Variants in WDR70 observed in about 807,000 individuals in gnomAD.
WDR70 encodes WD repeat-containing protein 70.
Under a neutral mutation model 88.6 loss-of-function variants are expected in WDR70, and 53 were observed. That is an observed-to-expected ratio of 0.60 (90% CI 0.48 to 0.75). The LOEUF (loss-of-function observed/expected upper bound fraction) is 0.75. WDR70 is among the 30% of genes least tolerant of loss of function. The pLI, the probability that WDR70 is intolerant of heterozygous loss-of-function variation, is 0.00. For missense variants in WDR70, 610 were observed against 823.2 expected (o/e 0.74, Z 3.17); for synonymous variants, 280 against 270.0 (o/e 1.04, Z -0.36).
At chr5:37,735,776 T>C (rs1561097792) in intron 17 of WDR70, among the ~76,000 whole-genome samples, 1 of 152,016 alleles carries the variant, frequency 6.6e-6, no homozygotes, top group South Asian at 2.1e-4. Flanking sequence ...GTCTGGTTGG[T>C]TTTTTTTCTT....
intron 5 of WDR70, among the ~76,000 whole-genome samples, chr5:37,410,283 C>A (rs954240790): frequency 6.6e-6 from 1 of 150,562 alleles, no homozygotes; most frequent in African/African-American, 2.5e-5. Context: ...AAGAAATCTG[C>A]CTGCCATGGC....
At chr5:37,533,108 A>G (rs1741549744) in intron 9 of WDR70, among the ~76,000 whole-genome samples, 1 of 152,182 alleles carries the variant, frequency 6.6e-6, no homozygotes. Flanking sequence ...GTCCTGTGAT[A>G]TGATTCATCT....
intron 8 of WDR70, among the ~76,000 whole-genome samples, chr5:37,515,684 T>C (rs1740866794): frequency 6.6e-6 from 1 of 152,250 alleles, no homozygotes; most frequent in African/African-American, 2.4e-5. Context: ...ATGTACATTT[T>C]ACTTCTTTAA....
At chr5:37,466,380 G>A (rs1354206301) in intron 7 of WDR70, among the ~76,000 whole-genome samples, 9 of 152,218 alleles carry the variant, frequency 5.9e-5, no homozygotes, top group African/African-American at 2.2e-4. Context: ...CAATACATTA[G>A]CCACTAGCCA....
At chr5:37,693,255 G>T (rs1288296272) in intron 10 of WDR70, among the ~76,000 whole-genome samples, 5 of 152,174 alleles carry the variant, frequency 3.3e-5, no homozygotes, top group Non-Finnish European at 4.4e-5. Context: ...TGGATAGGAA[G>T]AATCAATATC....
Position 37,530,773 on chromosome 5 carries a change from GTT to G in WDR70, c.917+14195_917+14196del, listed in dbSNP as rs57043165. 5.6e-4 allele frequency among the ~76,000 whole-genome samples: 72 copies of G among 127,960 alleles called. 1 individual carries two copies. Among genetic ancestry groups the G allele is most frequent in the Admixed American group, 4.7e-3 (61 of 13,108 alleles). The allele number at this position is 127,960 out of a possible 152,430, so 83.9% of individuals were successfully genotyped here. On this transcript the variant is annotated intron_variant, in intron 9 of 17. Coordinates refer to ENST00000265107, the MANE Select transcript of WDR70 (RefSeq NM_018034.4). ...TAGCTTTTTGTTTCATTTATCTTTT[GTT>G]TTTTTTTTTTTCATTTCAGTTTCAT...
intron 9 of WDR70, among the ~76,000 whole-genome samples, chr5:37,551,315 C>CA (rs1205634383): frequency 5.0e-4 from 72 of 143,322 alleles, no homozygotes; most frequent in Non-Finnish European, 6.8e-4. Flanking sequence ...CCCCCCTCCG[C>CA]AAAAAAAAAA....
At chr5:37,394,136 C>T (rs1748934430) in intron 4 of WDR70, among the ~76,000 whole-genome samples, 2 of 151,828 alleles carry the variant, frequency 1.3e-5, no homozygotes, top group Non-Finnish European at 2.9e-5. Context: ...GAAACCCTGT[C>T]TGTACTAAAA....
In WDR70 at chr5:37,381,601, G is replaced by T; in HGVS notation, c.92-1G>T. ...CAGTCTCCCATTTGTTCATGTTTTA[G>T]GTAAAAAAGCTCGCACATTTGACTT... is the stretch of plus-strand genomic sequence containing the variant. On this transcript the variant is annotated splice_acceptor_variant, in intron 2 of 17. Transcript: ENST00000265107. LOFTEE classifies it high-confidence loss of function. 1 of 1,609,426 alleles carries T rather than the reference G, an allele frequency of 6.2e-7. No individual in the cohort carries two copies. The highest frequency in any genetic ancestry group is 1.1e-5 in the South Asian group (1 of 90,962).
intron 8 of WDR70, among the ~76,000 whole-genome samples, chr5:37,482,000 A>G (rs4451074): frequency 0.27 from 40,944 of 152,062 alleles, 5,966 homozygotes; most frequent in East Asian, 0.48. Context: ...GTGTCTTTGC[A>G]TAGTAAGAGT....
At chr5:37,615,645 A>G (rs936947364) in intron 10 of WDR70, among the ~76,000 whole-genome samples, 3 of 152,240 alleles carry the variant, frequency 2.0e-5, no homozygotes, top group African/African-American at 4.8e-5. Flanking sequence ...TTTATTCCAG[A>G]CATACATTCA....
chr5:37,723,278 G>C lies in WDR70; in HGVS notation c.1597+344G>C, dbSNP rs16903703. On this transcript the variant is annotated intron_variant, in intron 15 of 17. Transcript: ENST00000265107. ...GAATCAGGAGGCCTGGGTTTGTCCAGTTCCACCACTGAGTGGCAATGTGAT... is the reference window on the plus strand; with the variant it reads ...GAATCAGGAGGCCTGGGTTTGTCCACTTCCACCACTGAGTGGCAATGTGAT... 7 of 244,274 alleles carry C rather than the reference G, an allele frequency of 2.9e-5. No individual in the cohort carries two copies. The Admixed American group carries it at 3.5e-4, about 12-fold the overall frequency. 15.1% of individuals were successfully genotyped at this position (244,274 alleles called of 1,614,324 possible). A position where few individuals can be genotyped will look rare whatever the true frequency, so the allele number is the denominator to read the frequency against.
intron 10 of WDR70, among the ~76,000 whole-genome samples, chr5:37,608,846 A>G (rs575862202): frequency 2.0e-5 from 3 of 152,302 alleles, no homozygotes; most frequent in Non-Finnish European, 4.4e-5. Flanking sequence ...GGCGTGAGCC[A>G]CTGCACCTGG....
chr5:37,387,280 G>A (rs1748650276), intron 3 of WDR70, among the ~76,000 whole-genome samples: 1 of 152,068 alleles, frequency 6.6e-6, no homozygotes, highest in African/African-American at 2.4e-5. Context: ...TTCTTGAAGA[G>A]ATTAAGATGT....
chr5:37,566,001 A>G (rs1373745679), intron 9 of WDR70, among the ~76,000 whole-genome samples: 1 of 152,114 alleles, frequency 6.6e-6, no homozygotes, highest in Non-Finnish European at 1.5e-5. Flanking sequence ...TACCCTTTCA[A>G]GTATACAATT....
At chr5:37,604,324 G>T (rs1203314511) in intron 9 of WDR70, among the ~76,000 whole-genome samples, 1 of 152,210 alleles carries the variant, frequency 6.6e-6, no homozygotes, top group African/African-American at 2.4e-5. Context: ...CTTTAAGGAT[G>T]TTGTTCCATA....
intron 5 of WDR70, among the ~76,000 whole-genome samples, chr5:37,423,416 A>G (rs1750010908): frequency 6.6e-6 from 1 of 151,524 alleles, no homozygotes; most frequent in Non-Finnish European, 1.5e-5. Context: ...GAAGAACAAG[A>G]GTTGCTAATA....
At chr5:37,486,740 T>G (rs573251078) in intron 8 of WDR70, among the ~76,000 whole-genome samples, 1 of 150,042 alleles carries the variant, frequency 6.7e-6, no homozygotes, top group Non-Finnish European at 1.5e-5. Context: ...TATTGAGCTT[T>G]TTTTCATATG....
At chr5:37,540,704 A>G (rs1741792014) in intron 9 of WDR70, among the ~76,000 whole-genome samples, 3 of 152,166 alleles carry the variant, frequency 2.0e-5, no homozygotes, top group African/African-American at 7.2e-5. Flanking sequence ...TATAACATCT[A>G]AAGTAGTTAG....
Sources: allele counts gnomAD v4.1 joint callset (sites outside exome capture counted in the v4.1 genomes callset), GRCh38; gene constraint gnomAD v4.1.1; transcripts MANE v1.5; gene names NCBI Gene and HGNC (gene_info 2026-07-23, HGNC 2026-07-21).